The following PTPRD variants were observed in gnomAD, a reference collection of about 807,000 sequenced individuals.
PTPRD encodes the protein protein tyrosine phosphatase receptor type D.
In PTPRD, 34 loss-of-function variants were observed where a neutral mutation model predicts 214.5. The ratio of observed to expected loss-of-function variants is 0.16; its 90% CI spans 0.12 to 0.21. The LOEUF (loss-of-function observed/expected upper bound fraction) is 0.21. PTPRD is among the 10% of genes least tolerant of loss of function. The pLI is 1.00. For synonymous variants in PTPRD, 1,128 were observed against 845.7 expected (o/e 1.33, Z -5.79); for missense variants, 2,545 against 2,398.7 (o/e 1.06, Z -1.27).
At chr9:8,357,390 G>C (rs1425927978) in intron 39 of PTPRD, among the ~76,000 whole-genome samples, 32 of 152,152 alleles carry the variant, frequency 2.1e-4, no homozygotes. Context: ...AAATGCCTTG[G>C]CAGCCTCACT....
intron 5 of PTPRD, among the ~76,000 whole-genome samples, chr9:9,797,408 T>C (rs2099009955): frequency 6.6e-6 from 1 of 151,892 alleles, no homozygotes; most frequent in Admixed American, 6.6e-5. Flanking sequence ...GTAATTATTG[T>C]TTAAGAAAGT....
At chr9:10,202,387 T>C (rs367986529) in intron 3 of PTPRD, among the ~76,000 whole-genome samples, 2 of 151,836 alleles carry the variant, frequency 1.3e-5, no homozygotes, top group Admixed American at 6.6e-5. Flanking sequence ...TTGGTGGGAA[T>C]TGCATCGAGA....
At chr9:8,598,479 TA>T (rs2154273196) in intron 14 of PTPRD, among the ~76,000 whole-genome samples, 1 of 151,582 alleles carries the variant, frequency 6.6e-6, no homozygotes, top group Admixed American at 6.6e-5. Context: ...AATAAATAAA[TA>T]AATAAATAAA....
chr9:10,085,888 C>A (rs1281569092), intron 3 of PTPRD, among the ~76,000 whole-genome samples: 2 of 151,814 alleles, frequency 1.3e-5, no homozygotes, highest in Admixed American at 1.3e-4. Context: ...GTGTGATGAA[C>A]TGCCAACCCT....
intron 11 of PTPRD, among the ~76,000 whole-genome samples, chr9:8,929,898 T>TA (rs1252842551): frequency 2.0e-5 from 2 of 97,922 alleles, no homozygotes; most frequent in Non-Finnish European, 4.4e-5. Flanking sequence ...TGTATATATA[T>TA]GTGTATATAT....
intron 3 of PTPRD, among the ~76,000 whole-genome samples, chr9:10,059,066 A>G (rs560079123): frequency 6.6e-6 from 1 of 152,248 alleles, no homozygotes; most frequent in Admixed American, 6.5e-5. Context: ...AAATTCCATG[A>G]AAGTGGATCA....
At chr9:9,559,796 C>G (rs1277076859) in intron 8 of PTPRD, among the ~76,000 whole-genome samples, 1 of 152,192 alleles carries the variant, frequency 6.6e-6, no homozygotes, top group Non-Finnish European at 1.5e-5. Flanking sequence ...GCTGCCAACC[C>G]ATGAAAAACA....
At chr9:9,781,307 G>C (rs2098840975) in intron 5 of PTPRD, among the ~76,000 whole-genome samples, 1 of 151,950 alleles carries the variant, frequency 6.6e-6, no homozygotes, top group Non-Finnish European at 1.5e-5. Context: ...TCAATATTTT[G>C]TACATCTAAC....
intron 3 of PTPRD, among the ~76,000 whole-genome samples, chr9:10,185,407 C>A (rs1488049592): frequency 6.6e-6 from 1 of 152,164 alleles, no homozygotes; most frequent in Non-Finnish European, 1.5e-5. Context: ...GAAGTCTTGT[C>A]ACTACTCTTG....
chr9:8,496,309 C>A (rs2097269925), intron 26 of PTPRD, among the ~76,000 whole-genome samples: 1 of 152,110 alleles, frequency 6.6e-6, no homozygotes, highest in Non-Finnish European at 1.5e-5. Context: ...TCTTGGACCA[C>A]TGTCTCTGAA....
At chr9:10,519,184 C>T (rs1566695400) in intron 2 of PTPRD, among the ~76,000 whole-genome samples, 1 of 134,440 alleles carries the variant, frequency 7.4e-6, no homozygotes, top group Admixed American at 8.9e-5. Flanking sequence ...TCCAGCTTTG[C>T]CAGTACACAA....
intron 8 of PTPRD, among the ~76,000 whole-genome samples, chr9:9,404,541 C>A (rs377324055): frequency 6.6e-6 from 1 of 151,986 alleles, no homozygotes; most frequent in Non-Finnish European, 1.5e-5. Context: ...ATGAGCAACA[C>A]TGGAATAGGA....
intron 5 of PTPRD, among the ~76,000 whole-genome samples, chr9:9,796,443 G>A (rs1436405035): frequency 6.6e-6 from 1 of 152,094 alleles, no homozygotes; most frequent in Non-Finnish European, 1.5e-5. Flanking sequence ...TGATGGCTCT[G>A]ATGTTCAGGA....
At chr9:10,377,974 G>C (rs547210235) in intron 2 of PTPRD, among the ~76,000 whole-genome samples, 109 of 152,060 alleles carry the variant, frequency 7.2e-4, no homozygotes, top group Non-Finnish European at 1.2e-3. Context: ...AGTTTTTTGA[G>C]GACCCTCCAA....
chr9:9,269,313 C>G (rs1348010288), intron 9 of PTPRD, among the ~76,000 whole-genome samples: 1 of 151,284 alleles, frequency 6.6e-6, no homozygotes, highest in African/African-American at 2.4e-5. Context: ...AAGATATCAC[C>G]TCACACCCGT....
intron 4 of PTPRD, among the ~76,000 whole-genome samples, chr9:9,981,125 G>A (rs1463258224): frequency 6.6e-6 from 1 of 152,038 alleles, no homozygotes; most frequent in African/African-American, 2.4e-5. Context: ...GGAGGAATTC[G>A]TAGCAAACTA....
chr9:9,020,285 C>A (rs1004843901), intron 10 of PTPRD, among the ~76,000 whole-genome samples: 8 of 152,036 alleles, frequency 5.3e-5, no homozygotes, highest in Non-Finnish European at 5.9e-5. Flanking sequence ...CATGTATAAA[C>A]CATTCAATAA....
chr9:10,113,072 G>T (rs1414324697), intron 3 of PTPRD, among the ~76,000 whole-genome samples: 1 of 152,130 alleles, frequency 6.6e-6, no homozygotes, highest in African/African-American at 2.4e-5. Context: ...CACACTCAAA[G>T]TTCCTTTAGT....
intron 39 of PTPRD, among the ~76,000 whole-genome samples, chr9:8,367,278 T>A (rs916410819): frequency 1.3e-5 from 2 of 152,148 alleles, no homozygotes; most frequent in Admixed American, 6.5e-5. Context: ...TTGGACCCAA[T>A]AATTCTGCCA....
Sources: gnomAD v4.1 joint callset for allele counts (sites outside exome capture counted in the v4.1 genomes callset) on GRCh38, gnomAD v4.1.1 for gene constraint, MANE v1.5 for transcripts, NCBI Gene and HGNC (gene_info 2026-07-23, HGNC 2026-07-21) for gene names.